The following PDE11A variants were observed in gnomAD, a reference collection of about 807,000 sequenced individuals.
PDE11A encodes dual 3',5'-cyclic-AMP and -GMP phosphodiesterase 11A.
Under a neutral mutation model 100.5 loss-of-function variants are expected in PDE11A, and 100 were observed. That is an observed-to-expected ratio of 1.00 (90% CI 0.85 to 1.18). PDE11A has a LOEUF of 1.18. Among genes scored for constraint, PDE11A ranks in the 50% most tolerant of loss-of-function variants. PDE11A has a pLI of 0.00. For synonymous variants in PDE11A, 381 were observed against 420.8 expected (o/e 0.91, Z 1.16); for missense variants, 1,141 against 1,152.6 (o/e 0.99, Z 0.15).
At chr2:177,834,254 T>C (rs2083355168) in intron 6 of PDE11A, among the ~76,000 whole-genome samples, 1 of 152,044 alleles carries the variant, frequency 6.6e-6, no homozygotes, top group African/African-American at 2.4e-5. Flanking sequence ...GTCAGAAGGG[T>C]GAGTAAAATG....
chr2:177,996,530 A>G (rs974433063), intron 2 of PDE11A, among the ~76,000 whole-genome samples: 2 of 151,502 alleles, frequency 1.3e-5, no homozygotes, highest in African/African-American at 4.8e-5. Flanking sequence ...TATATTATAT[A>G]TAGACATTTC....
intron 2 of PDE11A, among the ~76,000 whole-genome samples, chr2:177,941,020 C>A (rs2085340274): frequency 6.6e-6 from 1 of 152,158 alleles, no homozygotes; most frequent in African/African-American, 2.4e-5. Flanking sequence ...AAGGTTAGGG[C>A]TCTTAATCTT....
rs902481415 is a variant in PDE11A at position 177,997,460 on chromosome 2, CAAG to C, written c.1071+16839_1071+16841del. On this transcript the variant is annotated intron_variant, in intron 2 of 19. Coordinates refer to ENST00000286063, the MANE Select transcript of PDE11A (RefSeq NM_016953.4). The stretch of plus-strand genomic sequence containing the variant: ...CCAGGATAGTGTTACTGTGCTCTTA[CAAG>C]AAGGAGGAATGTGGAAGAGATCCTT... 9 of 827,028 alleles carry C rather than the reference CAAG, an allele frequency of 1.1e-5. No homozygotes were observed. The Admixed American group carries it at 1.5e-4, about 14-fold the overall frequency. The allele number at this position is 827,028 out of a possible 1,614,324, so 51.2% of individuals were successfully genotyped here. A position where few individuals can be genotyped will look rare whatever the true frequency, so the allele number is the denominator to read the frequency against.
chr2:177,780,085 A>G (rs889800331), intron 9 of PDE11A, among the ~76,000 whole-genome samples: 1 of 152,160 alleles, frequency 6.6e-6, no homozygotes, highest in Non-Finnish European at 1.5e-5. Context: ...GACTAGGTGC[A>G]TTGTCAATTA....
At chr2:178,070,854 T>G (rs2087117501) in intron 1 of PDE11A, among the ~76,000 whole-genome samples, 2 of 152,330 alleles carry the variant, frequency 1.3e-5, no homozygotes, top group South Asian at 2.1e-4. Flanking sequence ...TAATGCTATA[T>G]TTGAGCCTAA....
At chr2:177,781,359 A>C (rs189237425) in intron 9 of PDE11A, among the ~76,000 whole-genome samples, 2 of 152,348 alleles carry the variant, frequency 1.3e-5, no homozygotes, top group East Asian at 3.9e-4. Flanking sequence ...ATATAATAAG[A>C]CGTATAAAAT....
At chr2:177,658,083 C>T (rs759952664) in intron 19 of PDE11A, among the ~76,000 whole-genome samples, 6 of 152,270 alleles carry the variant, frequency 3.9e-5, no homozygotes, top group Middle Eastern at 3.4e-3. Context: ...CATAGTCACA[C>T]GGGGCTGGCA....
chr2:177,642,813 T>G (rs562708459), intron 19 of PDE11A, among the ~76,000 whole-genome samples: 14 of 152,314 alleles, frequency 9.2e-5, no homozygotes, highest in Admixed American at 6.5e-4. Flanking sequence ...AGACGTGACA[T>G]GTCATGGGAG....
chr2:177,771,927 G>A (rs1351477723), intron 9 of PDE11A, among the ~76,000 whole-genome samples: 1 of 151,994 alleles, frequency 6.6e-6, no homozygotes, highest in Non-Finnish European at 1.5e-5. Context: ...GCTTGAACCC[G>A]GGAGGCGGAG....
At position 177,950,129 on chromosome 2, in the gene PDE11A, A is replaced by T. The variant is rs199888689; in HGVS notation, c.1072-44942T>A. Among the ~76,000 whole-genome samples the T allele has an allele frequency of 3.3e-5, 5 of 152,294 alleles. No homozygotes were observed. The East Asian group carries it at 9.7e-4, about 29-fold the overall frequency. ...CTACTTTCTTCTGACACTATCTCCA[A>T]ATTACAAAAGCAATTTTATTTCTTA... On this transcript the variant is annotated intron_variant, in intron 2 of 19. Coordinates refer to ENST00000286063, the MANE Select transcript of PDE11A (RefSeq NM_016953.4).
chr2:177,858,414 C>A (rs533738658), intron 5 of PDE11A, among the ~76,000 whole-genome samples: 84 of 149,746 alleles, frequency 5.6e-4, no homozygotes, highest in African/African-American at 1.7e-3. Context: ...AAAAAAAAAA[C>A]CACATCAAAA....
chr2:177,725,998 G>T (rs1458076322), intron 12 of PDE11A, among the ~76,000 whole-genome samples: 1 of 152,058 alleles, frequency 6.6e-6, no homozygotes, highest in Admixed American at 6.6e-5. Flanking sequence ...TTTATTGAAT[G>T]TCCTCTGTGG....
At chr2:177,726,513 A>C (rs937362095) in intron 12 of PDE11A, among the ~76,000 whole-genome samples, 1 of 152,092 alleles carries the variant, frequency 6.6e-6, no homozygotes, top group Non-Finnish European at 1.5e-5. Flanking sequence ...CACAGTAGCA[A>C]GAAAGATGTG....
chr2:177,633,427 A>C (rs74381224), intron 19 of PDE11A, among the ~76,000 whole-genome samples: 2,585 of 152,332 alleles, frequency 0.017, 28 homozygotes, highest in South Asian at 0.045. Flanking sequence ...GAGTTATATG[A>C]ATATGAGTAA....
rs5836640 is a variant in PDE11A, at chr2:178,028,300, CAAA to C, written c.913-13843_913-13841del. 7.1e-3 allele frequency among the ~76,000 whole-genome samples: 938 copies of C among 131,386 alleles called. 5 individuals are homozygous for C. Among genetic ancestry groups the C allele is most frequent in the African/African-American group, 0.024 (823 of 34,824 alleles). The allele number at this position is 131,386 out of a possible 152,430, so 86.2% of individuals were successfully genotyped here. On this transcript the variant is annotated intron_variant, in intron 1 of 19. Transcript: ENST00000286063. ...GAAGTTATATAGTCACATGTTCCAT[CAAA>C]AAAAAAAAAAAAAAATGGGGACATG...
intron 14 of PDE11A, among the ~76,000 whole-genome samples, chr2:177,699,241 A>G (rs76012248): frequency 0.017 from 2,604 of 152,282 alleles, 66 homozygotes; most frequent in African/African-American, 0.059. Context: ...CATACATCAT[A>G]TTACTGTCTG....
At chr2:177,704,907 G>A (rs1376625543) in intron 13 of PDE11A, among the ~76,000 whole-genome samples, 1 of 152,050 alleles carries the variant, frequency 6.6e-6, no homozygotes, top group Admixed American at 6.6e-5. Context: ...ATGGCGCGAT[G>A]TTGGCTTACT....
At chr2:177,945,593 G>C (rs1188897943) in intron 2 of PDE11A, among the ~76,000 whole-genome samples, 5 of 144,280 alleles carry the variant, frequency 3.5e-5, no homozygotes, top group African/African-American at 5.3e-5. Context: ...CAACCACCCC[G>C]TCTGAAAAGT....
chr2:178,070,644 T>A (rs115479070), intron 1 of PDE11A, among the ~76,000 whole-genome samples: 1 of 152,216 alleles, frequency 6.6e-6, no homozygotes, highest in Non-Finnish European at 1.5e-5. Context: ...AGATCCAGCA[T>A]CTAATATCAA....
Sources: gnomAD v4.1 joint callset for allele counts (sites outside exome capture counted in the v4.1 genomes callset) on GRCh38, gnomAD v4.1.1 for gene constraint, MANE v1.5 for transcripts, NCBI Gene and HGNC (gene_info 2026-07-23, HGNC 2026-07-21) for gene names.